The following GTF2A1 variants were observed in gnomAD, a reference collection of about 807,000 sequenced individuals.
GTF2A1 encodes transcription initiation factor IIA subunit 1.
Under a neutral mutation model 54.1 loss-of-function variants are expected in GTF2A1, and 12 were observed. That is an observed-to-expected ratio of 0.22 (90% CI 0.14 to 0.36). The LOEUF is 0.36. Ranked by LOEUF, GTF2A1 falls within the 10% of genes least tolerant of loss-of-function variation. The probability of loss-of-function intolerance (pLI) is 1.00; values close to 1 mark genes in which losing one functional copy is unlikely to be tolerated. For synonymous variants in GTF2A1, 145 were observed against 152.0 expected (o/e 0.95, Z 0.34); for missense variants, 335 against 442.2 (o/e 0.76, Z 2.17).
chr14:81,195,717 A>C (rs554190273), intron 6 of GTF2A1, among the ~76,000 whole-genome samples: 1 of 151,834 alleles, frequency 6.6e-6, no homozygotes, highest in East Asian at 1.9e-4. Flanking sequence ...AGGAAAAGGG[A>C]GGATTCTACA....
chr14:81,217,963 C>T (rs1160148930), intron 1 of GTF2A1, among the ~76,000 whole-genome samples: 1 of 152,168 alleles, frequency 6.6e-6, no homozygotes, highest in Non-Finnish European at 1.5e-5. Context: ...GTTTATTCAT[C>T]TGTAAAATGC....
intron 5 of GTF2A1, 49 bp downstream of exon 5, chr14:81,197,360 T>A: frequency 1.1e-6 from 1 of 947,340 alleles, no homozygotes; most frequent in South Asian, 1.4e-5. Context: ...GGCTAGATAG[T>A]ACAATTTTCT....
At chr14:81,207,782 A>G (rs939004666) in intron 2 of GTF2A1, among the ~76,000 whole-genome samples, 1 of 152,182 alleles carries the variant, frequency 6.6e-6, no homozygotes, top group Non-Finnish European at 1.5e-5. Context: ...AGCAAAGGTG[A>G]CCCTTGTTAT....
At chr14:81,185,423 T>C in intron 8 of GTF2A1, 108 bp downstream of exon 8, 4 of 627,312 alleles carry the variant, frequency 6.4e-6, no homozygotes. Flanking sequence ...ATAATGAATT[T>C]AAGAGGCATG....
chr14:81,204,632 C>T (rs1893190031), intron 2 of GTF2A1, among the ~76,000 whole-genome samples: 1 of 152,164 alleles, frequency 6.6e-6, no homozygotes, highest in Non-Finnish European at 1.5e-5. Context: ...TCTGTCCAAT[C>T]CTACATAAAG....
chr14:81,212,332 CACAG>C (rs1893389392), intron 2 of GTF2A1, among the ~76,000 whole-genome samples: 3 of 152,088 alleles, frequency 2.0e-5, no homozygotes, highest in Non-Finnish European at 4.4e-5. Context: ...CATTCCCACC[CACAG>C]ACACTCACCA....
At chr14:81,191,884 GAAAC>G (rs1892883512) in intron 7 of GTF2A1, among the ~76,000 whole-genome samples, 1 of 152,108 alleles carries the variant, frequency 6.6e-6, no homozygotes, top group Non-Finnish European at 1.5e-5. Flanking sequence ...TTTGTACTAA[GAAAC>G]AAAAAGACTG....
chr14:81,192,969 A>G, intron 6 of GTF2A1, 130 bp from the exon 7 acceptor site: 1 of 627,718 alleles, frequency 1.6e-6, no homozygotes. Context: ...CTACCAAAGT[A>G]CAAAAGCAAT....
At chr14:81,220,223 GCCTCCGCGGCCCGGCCCGGC>G (rs1345303353) in intron 1 of GTF2A1, among the ~76,000 whole-genome samples, 1 of 126,574 alleles carries the variant, frequency 7.9e-6, no homozygotes, top group Non-Finnish European at 1.7e-5. Context: ...GGGCCCAACC[GCCTCCGCGGCCCGGCCCGGC>G]CCGCGGCGGC....
intron 7 of GTF2A1, among the ~76,000 whole-genome samples, chr14:81,186,826 T>TATA (rs1427610413): frequency 1.3e-5 from 2 of 152,066 alleles, no homozygotes; most frequent in Non-Finnish European, 2.9e-5. Context: ...GGCATATGCC[T>TATA]ATAGTCCCAC....
chr14:81,200,796 C>T (rs1045306860), intron 4 of GTF2A1, among the ~76,000 whole-genome samples: 8 of 149,278 alleles, frequency 5.4e-5, no homozygotes, highest in African/African-American at 2.0e-4. Context: ...ATGAAATCAA[C>T]AGTCTGTATA....
intron 2 of GTF2A1, 145 bp from the exon 3 acceptor site, chr14:81,204,249 C>T (rs979763309): frequency 3.9e-6 from 3 of 777,710 alleles, no homozygotes; most frequent in Non-Finnish European, 4.6e-6. Context: ...AATTCTAACC[C>T]AAGTGAAACA....
At chr14:81,203,039 T>C (rs1893148207) in intron 3 of GTF2A1, among the ~76,000 whole-genome samples, 1 of 152,226 alleles carries the variant, frequency 6.6e-6, no homozygotes, top group South Asian at 2.1e-4. Flanking sequence ...TTACTTCTAG[T>C]GTCCTCTCCC....
intron 6 of GTF2A1, among the ~76,000 whole-genome samples, chr14:81,194,153 G>C (rs1315851620): frequency 6.6e-6 from 1 of 152,232 alleles, no homozygotes; most frequent in African/African-American, 2.4e-5. Flanking sequence ...ATCACCACCT[G>C]AACTCTGCTT....
At chr14:81,204,129 T>C (rs778459812) in intron 2 of GTF2A1, 25 bp from the exon 3 acceptor site, 1 of 1,478,622 alleles carries the variant, frequency 6.8e-7, no homozygotes, top group Non-Finnish European at 9.5e-7. Flanking sequence ...ATTAAAGATT[T>C]CTAAGTGAAA....
intron 3 of GTF2A1, 39 bp from the exon 4 acceptor site, chr14:81,201,697 G>C: frequency 7.1e-7 from 1 of 1,409,488 alleles, no homozygotes; most frequent in Non-Finnish European, 1.0e-6. Flanking sequence ...AAGGAACCAT[G>C]AGGCTATTTT....
chr14:81,211,240 G>A (rs1187133214), intron 2 of GTF2A1, among the ~76,000 whole-genome samples: 2 of 152,066 alleles, frequency 1.3e-5, no homozygotes, highest in Admixed American at 1.3e-4. Flanking sequence ...TGTACCCCAG[G>A]ACCCTCACTT....
rs562449900 is a variant in GTF2A1, at chr14:81,207,561, C to T, written c.133-3457G>A. Among the ~76,000 whole-genome samples the T allele has an allele frequency of 6.9e-4, 105 of 152,144 alleles. 2 individuals are homozygous for T. The highest frequency in any genetic ancestry group is 2.3e-3 in the African/African-American group (96 of 41,496). On this transcript the variant is annotated intron_variant, in intron 2 of 8. Transcript: ENST00000553612. ...GAGTCAGGGCATTGCTGAAAAAATA[C>T]CTGAAAATATGGAAGCGACTGTGGA...
chr14:81,201,332 C>T (rs1449383648), intron 4 of GTF2A1, among the ~76,000 whole-genome samples: 4 of 152,148 alleles, frequency 2.6e-5, no homozygotes, highest in Non-Finnish European at 5.9e-5. Context: ...TACCCTAAAA[C>T]TTTTTCGGAA....
Sources: gnomAD v4.1 joint callset for allele counts (sites outside exome capture counted in the v4.1 genomes callset) on GRCh38, gnomAD v4.1.1 for gene constraint, MANE v1.5 for transcripts, NCBI Gene and HGNC (gene_info 2026-07-23, HGNC 2026-07-21) for gene names.